Variants in GPC6 observed in about 807,000 individuals in gnomAD.
GPC6 encodes glypican-6.
GPC6 carries 14 observed loss-of-function variants against 55.2 expected under a neutral mutation model. The observed-to-expected ratio is 0.25, with a 90% confidence interval of 0.17 to 0.40. The LOEUF (loss-of-function observed/expected upper bound fraction) is 0.40. Ranked by LOEUF, GPC6 falls within the 10% of genes least tolerant of loss-of-function variation. The pLI, the probability that GPC6 is intolerant of heterozygous loss-of-function variation, is 1.00. For missense variants in GPC6, 641 were observed against 708.5 expected (o/e 0.90, Z 1.08); for synonymous variants, 278 against 259.6 (o/e 1.07, Z -0.68).
chr13:93,529,306 T>C (rs957768555), intron 1 of GPC6, among the ~76,000 whole-genome samples: 17 of 152,036 alleles, frequency 1.1e-4, no homozygotes, highest in Non-Finnish European at 1.5e-5. Context: ...CTCAAAGAGA[T>C]TGGTAATACT....
intron 4 of GPC6, among the ~76,000 whole-genome samples, chr13:94,216,212 C>T (rs1448494792): frequency 6.6e-6 from 1 of 152,148 alleles, no homozygotes; most frequent in Non-Finnish European, 1.5e-5. Flanking sequence ...GTGTTGACTT[C>T]TCCTAAGGTA....
rs1875250135 is a variant in GPC6 at position 93,885,221 on chromosome 13, GA to G, written c.711+54677del. Among the ~76,000 whole-genome samples, 4 of 151,300 alleles carry G rather than the reference GA, an allele frequency of 2.6e-5. No individual in the cohort carries two copies. The South Asian group carries it at 8.4e-4, about 32-fold the overall frequency. ...GTGATGTAAAGGCTGTGAAAACTTG[GA>G]TACCCTTTGATCCAGCAAGCTTCCT... On this transcript the variant is annotated intron_variant, in intron 3 of 8. Coordinates refer to ENST00000377047, the MANE Select transcript of GPC6 (RefSeq NM_005708.5).
chr13:94,339,974 T>C (rs9516396), intron 6 of GPC6, among the ~76,000 whole-genome samples: 1 of 151,678 alleles, frequency 6.6e-6, no homozygotes, highest in African/African-American at 2.4e-5. Flanking sequence ...TGTTGGTCAG[T>C]CTGGTCTCAA....
chr13:93,989,063 G>A (rs1881169246), intron 3 of GPC6, among the ~76,000 whole-genome samples: 1 of 152,022 alleles, frequency 6.6e-6, no homozygotes, highest in Non-Finnish European at 1.5e-5. Context: ...AAACTAAAAT[G>A]CTTTTCATAC....
chr13:93,758,973 C>T (rs1362335521), intron 2 of GPC6, among the ~76,000 whole-genome samples: 1 of 152,126 alleles, frequency 6.6e-6, no homozygotes, highest in Non-Finnish European at 1.5e-5. Context: ...TTCTAACCTA[C>T]AGTTTTTCCG....
chr13:93,723,998 C>T (rs1365825108), intron 2 of GPC6, among the ~76,000 whole-genome samples: 1 of 151,628 alleles, frequency 6.6e-6, no homozygotes, highest in African/African-American at 2.4e-5. Context: ...GGGTGAAGCA[C>T]CTGTAATTTT....
chr13:93,562,885 A>G lies in GPC6; in HGVS notation c.319+17464A>G, dbSNP rs145358820. Among the ~76,000 whole-genome samples, 21 of 152,304 alleles carry G rather than the reference A, an allele frequency of 1.4e-4. No homozygotes were observed. The East Asian group carries it at 4.1e-3, about 29-fold the overall frequency. ...CTTGAGGAAGTTCTTACTTAGAAACATTAGGAATTTGCCTGAGGTCACATA... is the reference window on the plus strand; with the variant it reads ...CTTGAGGAAGTTCTTACTTAGAAACGTTAGGAATTTGCCTGAGGTCACATA... On this transcript the variant is annotated intron_variant, in intron 2 of 8. Coordinates refer to ENST00000377047, the MANE Select transcript of GPC6 (RefSeq NM_005708.5).
At chr13:93,523,789 G>A (rs771451955) in intron 1 of GPC6, among the ~76,000 whole-genome samples, 3 of 151,646 alleles carry the variant, frequency 2.0e-5, no homozygotes, top group Non-Finnish European at 2.9e-5. Context: ...ATTAACTTCC[G>A]AAAGCTTTCT....
chr13:93,365,918 A>G (rs9524021), intron 1 of GPC6, among the ~76,000 whole-genome samples: 61,349 of 151,968 alleles, frequency 0.4, 13,847 homozygotes, highest in East Asian at 0.91. Flanking sequence ...CATGTTGAAT[A>G]AAATATTAGC....
intron 6 of GPC6, among the ~76,000 whole-genome samples, chr13:94,312,318 T>A (rs558654932): frequency 6.6e-6 from 1 of 152,338 alleles, no homozygotes; most frequent in East Asian, 1.9e-4. Flanking sequence ...CATCAAGATA[T>A]GCAACTTTTT....
chr13:94,127,416 C>G (rs982316563), intron 4 of GPC6, among the ~76,000 whole-genome samples: 1 of 152,112 alleles, frequency 6.6e-6, no homozygotes, highest in Non-Finnish European at 1.5e-5. Context: ...CCTACTTTCG[C>G]CATGTGATGT....
chr13:93,954,260 G>A (rs955214197), intron 3 of GPC6, among the ~76,000 whole-genome samples: 2 of 152,134 alleles, frequency 1.3e-5, no homozygotes, highest in East Asian at 1.9e-4. Flanking sequence ...TAGCAAAAGT[G>A]TATATATATT....
rs1882793712 is a variant in GPC6, at chr13:94,023,855, TC to T, written c.712-3873del. 2.6e-5 allele frequency among the ~76,000 whole-genome samples: 4 copies of T among 151,862 alleles called. No individual in the cohort carries two copies. In the South Asian group the frequency reaches 8.3e-4, roughly 32 times the overall value. Reference sequence around the variant, plus strand: ...TGGATGGACCTTGAGGGCATTATGCTCAGAAAAAAAAAGTCAAGCTCAAAAG... The same window carrying T: ...TGGATGGACCTTGAGGGCATTATGCTAGAAAAAAAAAGTCAAGCTCAAAAG... On this transcript the variant is annotated intron_variant, in intron 3 of 8. Coordinates refer to ENST00000377047, the MANE Select transcript of GPC6 (RefSeq NM_005708.5).
intron 1 of GPC6, among the ~76,000 whole-genome samples, chr13:93,477,375 T>C (rs778774526): frequency 1.3e-5 from 2 of 152,182 alleles, no homozygotes; most frequent in Admixed American, 6.5e-5. Flanking sequence ...CTCTTGACTT[T>C]ATGGATGTTA....
intron 2 of GPC6, among the ~76,000 whole-genome samples, chr13:93,614,599 A>G (rs1878637975): frequency 6.6e-6 from 1 of 152,146 alleles, no homozygotes; most frequent in South Asian, 2.1e-4. Context: ...GTTAATATGA[A>G]ATAGCTATAG....
intron 6 of GPC6, among the ~76,000 whole-genome samples, chr13:94,324,711 T>TC (rs1325948401): frequency 6.6e-6 from 1 of 151,706 alleles, no homozygotes; most frequent in Non-Finnish European, 1.5e-5. Context: ...TTTTGTTTTT[T>TC]TTTTTAATTT....
intron 1 of GPC6, among the ~76,000 whole-genome samples, chr13:93,259,074 C>T (rs1033247433): frequency 2.0e-5 from 3 of 152,216 alleles, no homozygotes; most frequent in Admixed American, 1.3e-4. Flanking sequence ...ATCATTTTAA[C>T]GGTAGGGTAG....
intron 3 of GPC6, among the ~76,000 whole-genome samples, chr13:93,860,734 A>G (rs1204576098): frequency 6.6e-6 from 1 of 151,720 alleles, no homozygotes; most frequent in Non-Finnish European, 1.5e-5. Flanking sequence ...GAAAAAAGAT[A>G]AATTAGAATA....
At chr13:94,187,343 C>A (rs1302858277) in intron 4 of GPC6, 1 of 152,062 alleles carries the variant, frequency 6.6e-6, no homozygotes, top group African/African-American at 2.4e-5. Context: ...TTGATCAAAG[C>A]AGAAATTACA....
Sources: allele counts gnomAD v4.1 joint callset (sites outside exome capture counted in the v4.1 genomes callset), GRCh38; gene constraint gnomAD v4.1.1; transcripts MANE v1.5; gene names NCBI Gene and HGNC (gene_info 2026-07-23, HGNC 2026-07-21).